Variants in MYF5 observed in about 807,000 individuals in gnomAD.
MYF5 encodes myogenic factor 5, also known as class C basic helix-loop-helix protein 2.
A neutral mutation model predicts 22.3 loss-of-function variants in MYF5; 20 were observed. The observed-to-expected ratio is 0.90, with a 90% CI of 0.63 to 1.30. MYF5 has a LOEUF of 1.30. Among genes scored for constraint, MYF5 ranks in the 50% most tolerant of loss-of-function variants. The pLI is 0.00. For synonymous variants in MYF5, 141 were observed against 128.4 expected, an observed-to-expected ratio of 1.10 and a Z score of -0.66; for missense variants, 348 against 325.9, an observed-to-expected ratio of 1.07 and a Z score of -0.52.
At position 80,717,208 on chromosome 12, in the gene MYF5, T is replaced by C. The variant is rs202230117; in HGVS notation, c.145T>C (p.Ser49Pro). Residue 49 changes from serine to proline, a missense_variant, in exon 1 of 3, where the codon TCA becomes CCA. Transcript: ENST00000228644. ...AGCGCACAAAGCAGAGCTGCAGGGC[T>C]CAGATGAGGACGAGCACGTGCGAGC... ...FGAHKAELQG[S>P]DEDEHVRAPT... 1 of 1,614,004 alleles carries C rather than the reference T, an allele frequency of 6.2e-7. No individual in the cohort carries two copies. The highest frequency in any genetic ancestry group is 2.2e-5 in the East Asian group (1 of 44,862).
chr12:80,718,357 G>T lies in MYF5; in HGVS notation c.502-1G>T. On this transcript the variant is annotated splice_acceptor_variant, in intron 1 of 2. Coordinates refer to ENST00000228644, the MANE Select transcript of MYF5 (RefSeq NM_005593.3). LOFTEE classifies it high-confidence loss of function. The stretch of plus-strand genomic sequence containing the variant: ...ACTTTGTTGTGTGTCTTGTATTATA[G>T]CCCGAATGTAACAGTCCTGTCTGGT... The T allele has an allele frequency of 6.2e-7, 1 of 1,613,646 alleles. No homozygotes were observed.
chr12:80,718,944 G>C lies in MYF5; in HGVS notation c.661G>C (p.Gly221Arg), dbSNP rs767020497. The C allele has an allele frequency of 6.2e-7, 1 of 1,613,922 alleles. No homozygotes were observed. The highest frequency in any genetic ancestry group is 8.5e-7 in the Non-Finnish European group (1 of 1,179,976). ...VDRITSSEQP[G>R]LPLQDLASLS... Reference sequence around the variant, plus strand: ...CCGGATCACCTCCTCAGAGCAACCTGGGTTGCCTCTCCAGGATCTGGCTTC... The same window carrying C: ...CCGGATCACCTCCTCAGAGCAACCTCGGTTGCCTCTCCAGGATCTGGCTTC... Residue 221 changes from glycine to arginine, a missense_variant, in exon 3 of 3, where the codon GGG becomes CGG. Transcript: ENST00000228644.
At chr12:80,717,660 G>C in intron 1 of MYF5, 96 bp downstream of exon 1, 1 of 1,435,880 alleles carries the variant, frequency 7.0e-7, no homozygotes, top group Non-Finnish European at 9.4e-7. Context: ...GTGGGGTGGA[G>C]GCAGATGCTG....
At chr12:80,718,316 C>T in intron 1 of MYF5, 42 bp from the exon 2 acceptor site, 2 of 1,562,448 alleles carry the variant, frequency 1.3e-6, no homozygotes, top group Non-Finnish European at 1.8e-6. Context: ...CATCTTTTGC[C>T]AAGACCTGAA....
rs1348141539 is a variant in MYF5, at chr12:80,718,347, T to G, written c.502-11T>G. 1 of 1,613,098 alleles carries G rather than the reference T, an allele frequency of 6.2e-7. No individual in the cohort carries two copies. Among genetic ancestry groups the G allele is most frequent in the East Asian group, 2.2e-5 (1 of 44,874 alleles). On this transcript the variant is annotated splice_polypyrimidine_tract_variant and intron_variant, in intron 1 of 2. Coordinates refer to ENST00000228644, the MANE Select transcript of MYF5 (RefSeq NM_005593.3). Reference sequence around the variant, plus strand: ...CTGAAAACAAACTTTGTTGTGTGTCTTGTATTATAGCCCGAATGTAACAGT... The same window carrying G: ...CTGAAAACAAACTTTGTTGTGTGTCGTGTATTATAGCCCGAATGTAACAGT...
rs770949024 is a variant in MYF5 at position 80,718,380 on chromosome 12, G to C, written c.524G>C (p.Trp175Ser). 5 of 1,614,022 alleles carry C rather than the reference G, an allele frequency of 3.1e-6. No homozygotes were observed. The Admixed American group carries it at 8.3e-5, about 27-fold the overall frequency. ...TAGCCCGAATGTAACAGTCCTGTCT[G>C]GTCCAGAAAGAGCAGTACTTTTGAC... ...DGMPECNSPV[W>S]SRKSSTFDSI... Residue 175 changes from tryptophan to serine, a missense_variant, in exon 2 of 3, where the codon TGG becomes TCG. Coordinates refer to ENST00000228644, the MANE Select transcript of MYF5 (RefSeq NM_005593.3).
Position 80,719,036 on chromosome 12 carries a change from CT to C in MYF5, c.754del (p.Tyr252IlefsTer12). The C allele has an allele frequency of 6.2e-7, 1 of 1,613,986 alleles. No individual in the cohort carries two copies. ...TPGASSSRLI[Y>X]HVL ...CAGGGGCTTCTAGTTCCAGGCTTAT[CT>C]ATCATGTGCTATGAACTAATTTTCT... On this transcript the variant is annotated frameshift_variant, in exon 3 of 3. Coordinates refer to ENST00000228644, the MANE Select transcript of MYF5 (RefSeq NM_005593.3). LOFTEE classifies it high-confidence loss of function.
At chr12:80,718,646 A>G (rs1868667306) in intron 2 of MYF5, among the ~76,000 whole-genome samples, 1 of 152,016 alleles carries the variant, frequency 6.6e-6, no homozygotes, top group Admixed American at 6.6e-5. Flanking sequence ...TGCACACACA[A>G]TGTTGCTTGA....
chr12:80,718,221 C>T, intron 1 of MYF5, 137 bp from the exon 2 acceptor site: 1 of 752,488 alleles, frequency 1.3e-6, no homozygotes, highest in Non-Finnish European at 2.4e-6. Flanking sequence ...GAGGGCTAGC[C>T]CTTCCTAAAT....
rs922651278 is a variant in MYF5, at chr12:80,718,693, C to T, written c.578-168C>T. On this transcript the variant is annotated intron_variant, in intron 2 of 2. Transcript: ENST00000228644. ...GGGGCTTCCCCACTCCCCACGTCTA[C>T]CCCTCAGGAATTGCCAGATATTTGT... Among the ~76,000 whole-genome samples the T allele has an allele frequency of 2.0e-5, 3 of 152,176 alleles. No individual in the cohort carries two copies. The East Asian group carries it at 5.8e-4, about 29-fold the overall frequency.
rs1008856362 is a variant in MYF5 at position 80,718,809 on chromosome 12, C to G, written c.578-52C>G. 2.8e-6 allele frequency: 4 copies of G among 1,453,110 alleles called. No homozygotes were observed. The African/African-American group carries it at 4.2e-5, about 15-fold the overall frequency. The allele number at this position is 1,453,110 out of a possible 1,614,324, so 90.0% of individuals were successfully genotyped here. On this transcript the variant is annotated intron_variant, in intron 2 of 2. Coordinates refer to ENST00000228644, the MANE Select transcript of MYF5 (RefSeq NM_005593.3). ...AATTTAAGGAGCAACATAAGCAAAT[C>G]TGTCTATCTTGGGCTAATTATTTTT...
At chr12:80,717,832 C>T (rs1373361961) in intron 1 of MYF5, among the ~76,000 whole-genome samples, 1 of 152,280 alleles carries the variant, frequency 6.6e-6, no homozygotes, top group Middle Eastern at 3.4e-3. Flanking sequence ...GATGTTTTCT[C>T]CATTCCTGAA....
At position 80,717,044 on chromosome 12, in the gene MYF5, A is replaced by G; in HGVS notation, c.-20A>G. The G allele has an allele frequency of 6.3e-7, 1 of 1,577,924 alleles. No individual in the cohort carries two copies. The highest frequency in any genetic ancestry group is 2.3e-5 in the East Asian group (1 of 44,246). On this transcript the variant is annotated 5_prime_UTR_variant, in exon 1 of 3. Coordinates refer to ENST00000228644, the MANE Select transcript of MYF5 (RefSeq NM_005593.3). ...ATCCCTCTCGCTGCCGTCCAGGTGC[A>G]CCGCCTGCCTCTCAGCAGGATGGAC...
intron 1 of MYF5, 102 bp downstream of exon 1, chr12:80,717,666 T>C: frequency 4.3e-6 from 6 of 1,397,536 alleles, no homozygotes; most frequent in Non-Finnish European, 5.8e-6. Context: ...TGGAGGCAGA[T>C]GCTGAGTTGC....
At chr12:80,718,728 C>G in intron 2 of MYF5, 133 bp from the exon 3 acceptor site, 1 of 778,368 alleles carries the variant, frequency 1.3e-6, no homozygotes, top group South Asian at 1.8e-5. Context: ...TTGCAAATTT[C>G]TATGTTAGGC....
At position 80,719,164 on chromosome 12, in the gene MYF5, T is replaced by C; in HGVS notation, c.*113T>C. Reference sequence around the variant, plus strand: ...ATGTACATAAAGATTTCTTTTCAGTTGTAAATTTGTAAAGATTACCTTGCC... The same window carrying C: ...ATGTACATAAAGATTTCTTTTCAGTCGTAAATTTGTAAAGATTACCTTGCC... On this transcript the variant is annotated 3_prime_UTR_variant, in exon 3 of 3. Transcript: ENST00000228644. 1 of 835,684 alleles carries C rather than the reference T, an allele frequency of 1.2e-6. No homozygotes were observed. Among genetic ancestry groups the C allele is most frequent in the South Asian group, 2.4e-5 (1 of 42,476 alleles). The allele number at this position is 835,684 out of a possible 1,614,324, so 51.8% of individuals were successfully genotyped here.
At chr12:80,718,595 A>G (rs1282102972) in intron 2 of MYF5, among the ~76,000 whole-genome samples, 162 bp downstream of exon 2, 1 of 152,110 alleles carries the variant, frequency 6.6e-6, no homozygotes, top group African/African-American at 2.4e-5. Flanking sequence ...TTCTGCTCCA[A>G]ATCCCCCTAG....
Position 80,718,453 on chromosome 12 carries a change from CA to C in MYF5, c.577+21del, listed in dbSNP as rs770393264. On this transcript the variant is annotated intron_variant, in intron 2 of 2. Coordinates refer to ENST00000228644, the MANE Select transcript of MYF5 (RefSeq NM_005593.3). ...CAAATGGTAAGAATTGATAACTTCACAGGAGTTTAAAGACCAGTTCAACCTA... is the reference window on the plus strand; with the variant it reads ...CAAATGGTAAGAATTGATAACTTCACGGAGTTTAAAGACCAGTTCAACCTA... The C allele has an allele frequency of 1.5e-4, 241 of 1,588,124 alleles. No individual in the cohort carries two copies. In the African/African-American group the frequency reaches 2.9e-3, roughly 19 times the overall value.
intron 2 of MYF5, among the ~76,000 whole-genome samples, 173 bp from the exon 3 acceptor site, chr12:80,718,688 G>A (rs764038138): frequency 2.8e-4 from 43 of 152,062 alleles, no homozygotes; most frequent in East Asian, 7.7e-4. Flanking sequence ...CACTCCCCAC[G>A]TCTACCCCTC....
Sources: allele counts gnomAD v4.1 joint callset (sites outside exome capture counted in the v4.1 genomes callset), GRCh38; gene constraint gnomAD v4.1.1; transcripts MANE v1.5; gene names NCBI Gene and HGNC (gene_info 2026-07-23, HGNC 2026-07-21).